The following KIAA0586 variants were observed in gnomAD, a reference collection of about 807,000 sequenced individuals.
KIAA0586 encodes KIAA0586.
A neutral mutation model predicts 169.8 loss-of-function variants in KIAA0586; 144 were observed. The observed-to-expected ratio is 0.85, with a 90% CI of 0.74 to 0.97. The LOEUF (loss-of-function observed/expected upper bound fraction) is 0.97. KIAA0586 is among the 50% of genes least tolerant of loss of function. The pLI is 0.00. For synonymous variants in KIAA0586, 625 were observed against 612.4 expected, an observed-to-expected ratio of 1.02 and a Z score of -0.30; for missense variants, 1,854 against 1,823.0, an observed-to-expected ratio of 1.02 and a Z score of -0.31.
At chr14:58,522,380 T>C (rs908020905) in intron 29 of KIAA0586, among the ~76,000 whole-genome samples, 14 of 152,244 alleles carry the variant, frequency 9.2e-5, no homozygotes, top group African/African-American at 3.4e-4. Context: ...TCTCCTTTAG[T>C]TGAGTAGCTC....
Position 58,458,497 on chromosome 14 carries a change from CAGAA to C in KIAA0586, c.1612_1615del (p.Lys538GlnfsTer40), listed in dbSNP as rs1278316647. The C allele has an allele frequency of 6.5e-7, 1 of 1,543,764 alleles. No homozygotes were observed. Among genetic ancestry groups the C allele is most frequent in the African/African-American group, 1.4e-5 (1 of 72,944 alleles). Reference sequence around the variant, plus strand: ...GAGAGATGTCAGAGAAAATTAGGATCAGAAAGACAGTGGATGAATGGATTAAAAC... The same window carrying C: ...GAGAGATGTCAGAGAAAATTAGGATCAGACAGTGGATGAATGGATTAAAAC... On this transcript the variant is annotated frameshift_variant, in exon 12 of 31. Transcript: ENST00000652326. LOFTEE classifies it high-confidence loss of function.
At chr14:58,557,899 ATCTTTTTTTT>A in the KIAA0586 span, among the ~76,000 whole-genome samples, 80 of 46,622 alleles carry the variant, frequency 1.7e-3, 1 homozygote, top group African/African-American at 7.2e-3. Flanking sequence ...ATCCTGAGAA[ATCTTTTTTTT>A]TTTTTTTTTT....
rs2046186247 is a variant in KIAA0586, at chr14:58,534,836, C to CCT, written c.4430-5235_4430-5234insCT. On this transcript the variant is annotated intron_variant, in intron 29 of 30. Coordinates refer to ENST00000652326, the MANE Select transcript of KIAA0586 (RefSeq NM_001329943.3). ...TCATCTTTTAATTGCTGAAACTGCC[C>CCT]TATTGGTTTCTTCCATTTTAACTTT... Among the ~76,000 whole-genome samples the CCT allele has an allele frequency of 2.6e-5, 4 of 152,256 alleles. No homozygotes were observed. In the South Asian group the frequency reaches 6.2e-4, roughly 24 times the overall value.
At chr14:58,543,454 T>TTGGA (rs919214920) in intron 30 of KIAA0586, among the ~76,000 whole-genome samples, 1 of 152,202 alleles carries the variant, frequency 6.6e-6, no homozygotes, top group Non-Finnish European at 1.5e-5. Context: ...TTGATATCTG[T>TTGGA]TGGATGGATG....
At chr14:58,554,300 C>T (rs562939119), downstream of KIAA0586, among the ~76,000 whole-genome samples, 1 of 152,106 alleles carries the variant, frequency 6.6e-6, no homozygotes, top group Admixed American at 6.5e-5. Flanking sequence ...AGGGAACATG[C>T]ATATGGAATG....
At chr14:58,510,491 T>C (rs2044312503) in intron 28 of KIAA0586, among the ~76,000 whole-genome samples, 1 of 152,194 alleles carries the variant, frequency 6.6e-6, no homozygotes, top group Admixed American at 6.5e-5. Flanking sequence ...ATGCCAAGTG[T>C]CGGCAAGGAT....
At chr14:58,449,303 G>T (rs983496139) in intron 7 of KIAA0586, among the ~76,000 whole-genome samples, 1 of 152,164 alleles carries the variant, frequency 6.6e-6, no homozygotes, top group Non-Finnish European at 1.5e-5. Flanking sequence ...AAGGTGAGAG[G>T]ATCACTTGAG....
chr14:58,521,532 G>A, intron 29 of KIAA0586: 2 of 795,678 alleles, frequency 2.5e-6, no homozygotes, highest in African/African-American at 1.7e-5. Context: ...CTATTGCTCG[G>A]GCTGTAGTGC....
At chr14:58,460,918 C>A in intron 13 of KIAA0586, 68 bp from the exon 14 acceptor site, 2 of 1,180,852 alleles carry the variant, frequency 1.7e-6, no homozygotes, top group South Asian at 2.3e-5. Context: ...CAAAAGGAGG[C>A]TTTAGAAAAA....
At chr14:58,492,090 A>C in intron 25 of KIAA0586, 54 bp from the exon 26 acceptor site, 1 of 1,352,134 alleles carries the variant, frequency 7.4e-7, no homozygotes. Flanking sequence ...ATTGAGAAAA[A>C]TGCAATTGTT....
At chr14:58,435,649 C>G (rs1432826564) in intron 4 of KIAA0586, among the ~76,000 whole-genome samples, 4 of 152,256 alleles carry the variant, frequency 2.6e-5, no homozygotes, top group Non-Finnish European at 5.9e-5. Flanking sequence ...CCATTTTATA[C>G]TCAGTCACCA....
intron 2 of KIAA0586, 111 bp from the exon 3 acceptor site, chr14:58,430,537 A>G: frequency 1.6e-6 from 1 of 606,358 alleles, no homozygotes; most frequent in Non-Finnish European, 2.9e-6. Context: ...AATATGAAAT[A>G]CACAGTCCTG....
intron 30 of KIAA0586, among the ~76,000 whole-genome samples, chr14:58,545,805 CAAGGAGTTTGAGACA>C (rs1595560045): frequency 6.6e-6 from 1 of 151,804 alleles, no homozygotes; most frequent in Non-Finnish European, 1.5e-5. Context: ...CACTTGAGAC[CAAGGAGTTTGAGACA>C]AAGGAGTTTG....
At chr14:58,537,868 C>T (rs2012393) in intron 29 of KIAA0586, among the ~76,000 whole-genome samples, 60,118 of 151,514 alleles carry the variant, frequency 0.4, 12,018 homozygotes, top group African/African-American at 0.47. Context: ...AGGATGGTCT[C>T]GATCTCCTGA....
At chr14:58,543,127 G>A (rs1419795563) in intron 30 of KIAA0586, among the ~76,000 whole-genome samples, 2 of 84,442 alleles carry the variant, frequency 2.4e-5, no homozygotes, top group Admixed American at 1.3e-4. Context: ...ACGAGATTAC[G>A]TCTCAAAAAA....
the KIAA0586 span, among the ~76,000 whole-genome samples, chr14:58,556,774 T>C: frequency 6.6e-6 from 1 of 152,182 alleles, no homozygotes; most frequent in Non-Finnish European, 1.5e-5. Flanking sequence ...AGACGGAGTT[T>C]GGCTCTTGTT....
chr14:58,456,669 C>G, intron 9 of KIAA0586, 33 bp from the exon 10 acceptor site: 1 of 1,244,920 alleles, frequency 8.0e-7, no homozygotes, highest in Non-Finnish European at 1.1e-6. Context: ...TTTCAAAAAT[C>G]TTCTGTAGCG....
chr14:58,432,493 C>T, intron 4 of KIAA0586, 36 bp downstream of exon 4: 3 of 1,146,660 alleles, frequency 2.6e-6, no homozygotes, highest in Non-Finnish European at 3.8e-6. Context: ...TGGACCATTT[C>T]TTATGTAAAT....
intron 29 of KIAA0586, among the ~76,000 whole-genome samples, chr14:58,512,964 A>T (rs377738023): frequency 1.3e-5 from 2 of 152,188 alleles, no homozygotes; most frequent in African/African-American, 4.8e-5. Context: ...GACAGGGATT[A>T]TGGCTGTATT....
Sources: gnomAD v4.1 joint callset for allele counts (sites outside exome capture counted in the v4.1 genomes callset) on GRCh38, gnomAD v4.1.1 for gene constraint, MANE v1.5 for transcripts, NCBI Gene and HGNC (gene_info 2026-07-23, HGNC 2026-07-21) for gene names.